MID1: variants seen among roughly 807,000 people sequenced by gnomAD.
The protein encoded by MID1 is E3 ubiquitin-protein ligase Midline-1.
A neutral mutation model predicts 40.4 loss-of-function variants in MID1; 7 were observed. The observed-to-expected ratio is 0.17, with a 90% confidence interval of 0.10 to 0.33. The LOEUF (loss-of-function observed/expected upper bound fraction) is 0.33, where lower values mean the gene tolerates loss of function less well. Among genes scored for constraint, MID1 ranks in the 10% least tolerant of loss-of-function variants. The pLI is 1.00. For synonymous variants in MID1, 229 were observed against 221.2 expected (o/e 1.04, Z -0.31); for missense variants, 367 against 558.5 (o/e 0.66, Z 3.46).
intron 1 of MID1, among the ~76,000 whole-genome samples, chrX:10,785,564 C>CT (rs1228530328): frequency 9.0e-6 from 1 of 111,532 alleles, no homozygotes; most frequent in Non-Finnish European, 1.9e-5. Context: ...TGACTTCAAA[C>CT]TATACTACAA....
chrX:10,749,054 C>CTT (rs1007795445), intron 1 of MID1, among the ~76,000 whole-genome samples: 6 of 111,366 alleles, frequency 5.4e-5, no homozygotes, highest in African/African-American at 2.0e-4. Context: ...GTGTGGAGTG[C>CTT]TTTGTATATC....
intron 1 of MID1, among the ~76,000 whole-genome samples, chrX:10,811,410 C>A (rs1245207923): frequency 1.8e-5 from 2 of 112,309 alleles, no homozygotes; most frequent in East Asian, 2.8e-4. Context: ...CATTTAATTC[C>A]TGTTTTACGG....
At chrX:10,818,784 ACTT>A (rs1366847644) in intron 1 of MID1, among the ~76,000 whole-genome samples, 1 of 112,164 alleles carries the variant, frequency 8.9e-6, no homozygotes, top group Non-Finnish European at 1.9e-5. Flanking sequence ...TACTACACAT[ACTT>A]CTTCTAATTT....
At chrX:10,523,857 GAATAT>G (rs1932779402) in intron 2 of MID1, among the ~76,000 whole-genome samples, 1 of 111,617 alleles carries the variant, frequency 9.0e-6, no homozygotes, top group African/African-American at 3.3e-5. Context: ...CTAAACCATA[GAATAT>G]AACTACTATT....
intron 9 of MID1, 135 bp downstream of exon 9, chrX:10,454,735 T>TCCTAG: frequency 1.8e-6 from 1 of 560,458 alleles, no homozygotes; most frequent in Non-Finnish European, 3.1e-6. Context: ...TGCAGTATTA[T>TCCTAG]CCTAGCAAGA....
rs1001077472 is a variant in MID1, at chrX:10,669,080, G to A, written c.-186-48661C>T. Among the ~76,000 whole-genome samples, 4 of 106,024 alleles carry A rather than the reference G, an allele frequency of 3.8e-5. No individual in the cohort carries two copies. The East Asian group carries it at 8.8e-4, about 23-fold the overall frequency. The allele number at this position is 106,024 out of a possible 115,157, so 92.1% of individuals were successfully genotyped here. On this transcript the variant is annotated intron_variant, in intron 1 of 10. Transcript: ENST00000380785. ...TAAAAATACAAAAAATTAGCCGGGC[G>A]CGGTGGCGGGCGCCTGTAGTCCCAG... is the stretch of plus-strand genomic sequence containing the variant.
intron 1 of MID1, among the ~76,000 whole-genome samples, chrX:10,584,740 A>T (rs994406228): frequency 8.9e-6 from 1 of 112,501 alleles, no homozygotes; most frequent in Non-Finnish European, 1.9e-5. Flanking sequence ...GATTTTTTAG[A>T]GCCCATCACT....
intron 1 of MID1, among the ~76,000 whole-genome samples, chrX:10,804,289 T>G (rs2044028813): frequency 8.9e-6 from 1 of 112,612 alleles, no homozygotes; most frequent in Non-Finnish European, 1.9e-5. Context: ...TTCTAATGCT[T>G]GCTTTATCTC....
At chrX:10,657,765 C>A (rs113781525) in intron 1 of MID1, among the ~76,000 whole-genome samples, 3 of 112,461 alleles carry the variant, frequency 2.7e-5, no homozygotes, top group African/African-American at 9.7e-5. Context: ...CAAAGTACAA[C>A]TTAAAAGATA....
At chrX:10,782,470 C>T (rs997237668) in intron 1 of MID1, among the ~76,000 whole-genome samples, 37 of 111,722 alleles carry the variant, frequency 3.3e-4, no homozygotes, top group African/African-American at 1.1e-3. Context: ...ATTGCTATTA[C>T]CAACAGCATG....
rs1157622640 is a variant in MID1, at chrX:10,684,173, A to C, written c.-186-63754T>G. Among the ~76,000 whole-genome samples the C allele has an allele frequency of 4.5e-5, 5 of 111,106 alleles. No homozygotes were observed. The East Asian group carries it at 1.4e-3, about 31-fold the overall frequency. On this transcript the variant is annotated intron_variant, in intron 1 of 10. Coordinates refer to the MID1 transcript ENST00000380785. ...TAAATGCTCAATGTAGAAAATGTGG[A>C]TATTAAAAGATCTATCTAAGAATAA...
chrX:10,691,362 C>G (rs2043130490), intron 1 of MID1, among the ~76,000 whole-genome samples: 1 of 111,111 alleles, frequency 9.0e-6, no homozygotes, highest in Non-Finnish European at 1.9e-5. Flanking sequence ...AGTCAGGGAC[C>G]CTGAATGGAG....
chrX:10,743,742 G>T (rs1309172526), intron 1 of MID1, among the ~76,000 whole-genome samples: 1 of 112,004 alleles, frequency 8.9e-6, no homozygotes, highest in Non-Finnish European at 1.9e-5. Context: ...AAGCTACAAC[G>T]CAGTAGAGAT....
chrX:10,616,986 T>G (rs1489676079), intron 1 of MID1, among the ~76,000 whole-genome samples: 1 of 112,730 alleles, frequency 8.9e-6, no homozygotes, highest in African/African-American at 3.2e-5. Flanking sequence ...AACTGCCTTT[T>G]GAACTGTTAA....
At chrX:10,488,577 G>A (rs776474927) in intron 4 of MID1, among the ~76,000 whole-genome samples, 38 of 111,501 alleles carry the variant, frequency 3.4e-4, no homozygotes, top group African/African-American at 1.2e-3. Context: ...ATCTTTTCAC[G>A]TGCTTATTTA....
intron 2 of MID1, among the ~76,000 whole-genome samples, chrX:10,549,881 G>A (rs1041388789): frequency 2.7e-5 from 3 of 112,344 alleles, no homozygotes; most frequent in Non-Finnish European, 5.6e-5. Context: ...GAAATAAGTA[G>A]TACCTTCCAG....
At chrX:10,461,686 T>A (rs1013314087) in intron 7 of MID1, among the ~76,000 whole-genome samples, 3 of 111,780 alleles carry the variant, frequency 2.7e-5, no homozygotes, top group Non-Finnish European at 5.6e-5. Context: ...AAACAAAAAA[T>A]TAGCTTTTCT....
intron 1 of MID1, among the ~76,000 whole-genome samples, chrX:10,782,844 C>T (rs1488104826): frequency 9.0e-6 from 1 of 111,487 alleles, no homozygotes; most frequent in Non-Finnish European, 1.9e-5. Flanking sequence ...AACTGTGGCC[C>T]TGCCCGGCAG....
chrX:10,665,457 G>A (rs2042943764), intron 1 of MID1, among the ~76,000 whole-genome samples: 1 of 110,553 alleles, frequency 9.0e-6, no homozygotes, highest in African/African-American at 3.3e-5. Flanking sequence ...CTTTTTGTGT[G>A]GCCAGAAAGG....
Sources: gnomAD v4.1 joint callset for allele counts (sites outside exome capture counted in the v4.1 genomes callset) on GRCh38, gnomAD v4.1.1 for gene constraint, MANE v1.5 for transcripts, NCBI Gene and HGNC (gene_info 2026-07-23, HGNC 2026-07-21) for gene names.